Variants in DENND2B observed in about 807,000 individuals in gnomAD.
DENND2B encodes DENN domain containing 2B.
A neutral mutation model predicts 116.0 loss-of-function variants in DENND2B; 32 were observed. That is an observed-to-expected ratio of 0.28 (90% CI 0.21 to 0.37). DENND2B has a LOEUF of 0.37. Ranked by LOEUF, DENND2B falls within the 10% of genes least tolerant of loss-of-function variation. The probability of loss-of-function intolerance (pLI) is 1.00; values close to 1 mark genes in which losing one functional copy is unlikely to be tolerated. For missense variants in DENND2B, 1,276 were observed against 1,477.7 expected, an observed-to-expected ratio of 0.86 and a Z score of 2.24; for synonymous variants, 588 against 583.9, an observed-to-expected ratio of 1.01 and a Z score of -0.10.
intron 4 of DENND2B, chr11:8,831,426 G>C (rs1427317052): frequency 6.6e-6 from 1 of 152,368 alleles, no homozygotes; most frequent in Admixed American, 6.5e-5. Flanking sequence ...CCCAGCTTTT[G>C]TGCTCCCCAC....
intron 3 of DENND2B, among the ~76,000 whole-genome samples, chr11:8,728,363 C>T (rs1441230854): frequency 6.6e-6 from 1 of 152,088 alleles, no homozygotes; most frequent in Non-Finnish European, 1.5e-5. Flanking sequence ...GTATAACAGA[C>T]ACAAACTTAC....
chr11:8,805,220 T>C (rs770466167), intron 1 of DENND2B, among the ~76,000 whole-genome samples: 8 of 152,202 alleles, frequency 5.3e-5, no homozygotes, highest in Admixed American at 1.3e-4. Flanking sequence ...CAGATACTCA[T>C]ATTAAATGCA....
Position 8,731,159 on chromosome 11 carries a change from A to G in DENND2B, c.131T>C (p.Ile44Thr), listed in dbSNP as rs1336146890. Residue 44 changes from isoleucine (I) to threonine (T), a missense_variant, in exon 3 of 20, where the codon ATC (isoleucine) becomes ACC (threonine). Coordinates refer to ENST00000313726, the MANE Select transcript of DENND2B (RefSeq NM_213618.2). ...PPVLSPPRSP[I>T]YPLSDSETSA... ...GGTTTCACTATCACTGAGCGGGTAG[A>G]TGGGACTCCTTGGTGGGGAGAGAAC... 1 of 1,555,644 alleles carries G rather than the reference A, an allele frequency of 6.4e-7. No homozygotes were observed. The highest frequency in any genetic ancestry group is 1.4e-5 in the African/African-American group (1 of 73,380).
At chr11:8,857,722 G>A (rs1005628600) in intron 2 of DENND2B, among the ~76,000 whole-genome samples, 10 of 152,196 alleles carry the variant, frequency 6.6e-5, no homozygotes, top group African/African-American at 1.9e-4. Flanking sequence ...GTAGAAGAAA[G>A]GGAACTAAAT....
Position 8,711,250 on chromosome 11 carries a change from C to G in DENND2B, c.2173-19G>C, listed in dbSNP as rs748362860. ...GGTCCAGCTGCAGGGAAGAAGGAAC[C>G]AGGAGATGACATGGAACCTGAGGGC... On this transcript the variant is annotated intron_variant, in intron 9 of 19. Transcript: ENST00000313726. 3.1e-6 allele frequency: 5 copies of G among 1,611,044 alleles called. No individual in the cohort carries two copies. Among genetic ancestry groups the G allele is most frequent in the East Asian group, 4.5e-5 (2 of 44,828 alleles).
At chr11:8,753,652 T>A (rs1253388641) in intron 1 of DENND2B, among the ~76,000 whole-genome samples, 1 of 150,662 alleles carries the variant, frequency 6.6e-6, no homozygotes, top group Non-Finnish European at 1.5e-5. Flanking sequence ...AGTTGCCAAT[T>A]AAAAAAAAAT....
chr11:8,890,664 A>C (rs1252240168), intron 1 of DENND2B, among the ~76,000 whole-genome samples: 2 of 152,338 alleles, frequency 1.3e-5, no homozygotes, highest in African/African-American at 4.8e-5. Flanking sequence ...AAATTAATGA[A>C]ATGAAGTGAG....
At chr11:8,827,512 G>C (rs925585453) in intron 4 of DENND2B, among the ~76,000 whole-genome samples, 7 of 152,176 alleles carry the variant, frequency 4.6e-5, no homozygotes, top group Non-Finnish European at 1.0e-4. Context: ...TAAGGTAAAG[G>C]CCCAGAGGAG....
intron 1 of DENND2B, among the ~76,000 whole-genome samples, chr11:8,881,870 T>A (rs1452312726): frequency 6.6e-6 from 1 of 152,216 alleles, no homozygotes; most frequent in Non-Finnish European, 1.5e-5. Flanking sequence ...GTTCCTTTTC[T>A]CTAGAGCATC....
At chr11:8,725,609 C>T (rs1565736432) in intron 4 of DENND2B, among the ~76,000 whole-genome samples, 1 of 152,106 alleles carries the variant, frequency 6.6e-6, no homozygotes, top group Non-Finnish European at 1.5e-5. Flanking sequence ...CCACCAGCCT[C>T]GGCCTCCCAA....
Position 8,830,527 on chromosome 11 carries a change from A to T in DENND2B, c.-115+8783T>A, listed in dbSNP as rs374297122. On this transcript the variant is annotated intron_variant, in intron 4 of 6. Transcript: ENST00000524757. The stretch of plus-strand genomic sequence containing the variant: ...TATTTAATATTTGCATCACAATGTC[A>T]GTGGAGCTGAAAATTCAGCGAGGGC... Among the ~76,000 whole-genome samples the T allele has an allele frequency of 1.7e-3, 252 of 152,358 alleles. 1 individual carries two copies. The highest frequency in any genetic ancestry group is 5.5e-3 in the African/African-American group (228 of 41,596).
At chr11:8,737,097 C>T (rs962133254) in intron 2 of DENND2B, among the ~76,000 whole-genome samples, 18 of 152,242 alleles carry the variant, frequency 1.2e-4, no homozygotes, top group Middle Eastern at 3.4e-3. Flanking sequence ...GAGACACAAA[C>T]GGGAAGTCTA....
At chr11:8,857,431 C>T (rs1334566396) in exon 3 of DENND2B, 1 of 152,202 alleles carries the variant, frequency 6.6e-6, no homozygotes, top group Non-Finnish European at 1.5e-5. Flanking sequence ...CATTCTGTCA[C>T]CATCCCTGTA....
At chr11:8,777,343 C>T (rs1281532069) in intron 1 of DENND2B, among the ~76,000 whole-genome samples, 2 of 152,176 alleles carry the variant, frequency 1.3e-5, no homozygotes, top group African/African-American at 4.8e-5. Context: ...ATTCATTTCC[C>T]CCTGCCCAGG....
chr11:8,885,143 T>G (rs534632000), intron 1 of DENND2B, among the ~76,000 whole-genome samples: 1 of 152,238 alleles, frequency 6.6e-6, no homozygotes, highest in African/African-American at 2.4e-5. Flanking sequence ...CATGGCCTTG[T>G]TGTAATCTTG....
intron 2 of DENND2B, among the ~76,000 whole-genome samples, chr11:8,743,528 T>C (rs1354777151): frequency 6.6e-6 from 1 of 152,048 alleles, no homozygotes; most frequent in Non-Finnish European, 1.5e-5. Context: ...CCAGCCTGGG[T>C]GACAGAGTGA....
At position 8,885,766 on chromosome 11, in the gene DENND2B, C is replaced by T. The variant is rs191285770; in HGVS notation, c.-255-4657G>A. On this transcript the variant is annotated intron_variant, in intron 1 of 22. Coordinates refer to the DENND2B transcript ENST00000534127. The stretch of plus-strand genomic sequence containing the variant: ...TATAATTGAATCAAGAAAAGCATAC[C>T]ATTCTGAAGAAATTCAGTGGTGGGT... Among the ~76,000 whole-genome samples, 10 of 152,138 alleles carry T rather than the reference C, an allele frequency of 6.6e-5. No individual in the cohort carries two copies. In the East Asian group the frequency reaches 1.9e-3, roughly 29 times the overall value.
intron 6 of DENND2B, among the ~76,000 whole-genome samples, chr11:8,714,941 G>A (rs2044455304): frequency 6.6e-6 from 1 of 152,124 alleles, no homozygotes; most frequent in African/African-American, 2.4e-5. Flanking sequence ...CCAAGACAAG[G>A]ACACTAAACT....
chr11:8,722,621 T>C (rs1368819368), intron 4 of DENND2B, among the ~76,000 whole-genome samples: 1 of 152,106 alleles, frequency 6.6e-6, no homozygotes, highest in Non-Finnish European at 1.5e-5. Context: ...CCCACCAGAA[T>C]CTAACAGAAA....
Sources: gnomAD v4.1 joint callset for allele counts (sites outside exome capture counted in the v4.1 genomes callset) on GRCh38, gnomAD v4.1.1 for gene constraint, MANE v1.5 for transcripts, NCBI Gene and HGNC (gene_info 2026-07-23, HGNC 2026-07-21) for gene names.